Variants in IQGAP1 observed in about 807,000 individuals in gnomAD.
IQGAP1 encodes the protein IQ motif containing GTPase activating protein 1, also known as ras GTPase-activating-like protein IQGAP1.
A neutral mutation model predicts 215.6 loss-of-function variants in IQGAP1; 66 were observed. That is an observed-to-expected ratio of 0.31 (90% CI 0.25 to 0.38). The LOEUF is 0.38. IQGAP1 is among the 10% of genes least tolerant of loss of function. The pLI is 1.00. For missense variants in IQGAP1, 1,712 were observed against 1,997.1 expected (o/e 0.86, Z 2.72); for synonymous variants, 772 against 728.7 (o/e 1.06, Z -0.96).
At chr15:90,444,279 G>GTGTGTGTGTGTGTGTA (rs773341335) in intron 9 of IQGAP1, among the ~76,000 whole-genome samples, 132 of 72,988 alleles carry the variant, frequency 1.8e-3, no homozygotes, top group African/African-American at 7.2e-3. Context: ...GTGTGTGTGT[G>GTGTGTGTGTGTGTGTA]TATATATATA....
chr15:90,421,303 C>G (rs574374694), intron 2 of IQGAP1, among the ~76,000 whole-genome samples: 7 of 152,162 alleles, frequency 4.6e-5, no homozygotes, highest in South Asian at 2.1e-4. Context: ...TGGTGAAACC[C>G]CATCTCTACT....
intron 2 of IQGAP1, among the ~76,000 whole-genome samples, chr15:90,402,199 G>C (rs1964814269): frequency 6.6e-6 from 1 of 152,198 alleles, no homozygotes; most frequent in Non-Finnish European, 1.5e-5. Context: ...TGTCTAACTA[G>C]CTTGTTGGAC....
rs138962597 is a variant in IQGAP1, at chr15:90,473,567, C to G, written c.2350-148C>G. On this transcript the variant is annotated intron_variant, in intron 19 of 37. Transcript: ENST00000268182. ...TTCCAGTGGAGGGATGGCCCGTGCC[C>G]TTGTTCCCCTGTCACTGCTGGAAGT... is the stretch of plus-strand genomic sequence containing the variant. The G allele has an allele frequency of 9.3e-4, 575 of 620,386 alleles. 4 individuals carry two copies. The African/African-American group carries it at 0.01, about 11-fold the overall frequency. The allele number at this position is 620,386 out of a possible 1,614,324, so 38.4% of individuals were successfully genotyped here.
At chr15:90,477,297 C>A in intron 25 of IQGAP1, 67 bp downstream of exon 25, 2 of 1,290,932 alleles carry the variant, frequency 1.5e-6, no homozygotes, top group Non-Finnish European at 2.2e-6. Flanking sequence ...GTTTGAGATT[C>A]ATGCCTTCCT....
At position 90,487,050 on chromosome 15, in the gene IQGAP1, A is replaced by T; in HGVS notation, c.4121A>T (p.Asp1374Val). 6.2e-7 allele frequency: 1 copy of T among 1,614,138 alleles called. No homozygotes were observed. Among genetic ancestry groups the T allele is most frequent in the Non-Finnish European group, 8.5e-7 (1 of 1,180,006 alleles). Residue 1374 changes from aspartate to valine, a missense_variant, in exon 32 of 38, where the codon GAT becomes GTT. This residue lies in a region of IQGAP1 where 691 missense variants were observed against 923.0 expected (regional missense o/e 0.75). Transcript: ENST00000268182. ...TLTNKFDVPG[D>V]ENAEMDARTI... ...ACCAACAAGTTCGACGTGCCTGGAGATGAGAATGCAGAAATGGATGCTCGA... is the reference window on the plus strand; with the variant it reads ...ACCAACAAGTTCGACGTGCCTGGAGTTGAGAATGCAGAAATGGATGCTCGA...
At chr15:90,479,576 TAAAAAAA>T (rs34325733) in intron 26 of IQGAP1, among the ~76,000 whole-genome samples, 15 of 132,644 alleles carry the variant, frequency 1.1e-4, no homozygotes, top group African/African-American at 4.2e-4. Context: ...TGTCCCTACT[TAAAAAAA>T]AAAAAAAAAA....
intron 4 of IQGAP1, 72 bp downstream of exon 4, chr15:90,429,738 C>T (rs924790491): frequency 1.5e-5 from 13 of 861,898 alleles, no homozygotes; most frequent in Non-Finnish European, 2.2e-5. Context: ...AACCTGTTCT[C>T]ATTCTACCTG....
chr15:90,475,868 T>C (rs899285937), intron 23 of IQGAP1: 4 of 152,104 alleles, frequency 2.6e-5, no homozygotes, highest in African/African-American at 4.8e-5. Flanking sequence ...CCAGTCATTT[T>C]GTATCTTACA....
At chr15:90,475,026 T>C (rs1334185397) in intron 23 of IQGAP1, among the ~76,000 whole-genome samples, 1 of 131,688 alleles carries the variant, frequency 7.6e-6, no homozygotes, top group East Asian at 2.3e-4. Flanking sequence ...GCTGACGGAG[T>C]TTCCCTCTCG....
intron 9 of IQGAP1, 103 bp from the exon 10 acceptor site, chr15:90,448,469 TA>T (rs1459816031): frequency 1.5e-5 from 16 of 1,034,526 alleles, no homozygotes; most frequent in Non-Finnish European, 2.1e-5. Context: ...CTCTCTGAGT[TA>T]TATTTCCTTA....
intron 15 of IQGAP1, among the ~76,000 whole-genome samples, chr15:90,460,719 C>A (rs771703801): frequency 7.4e-4 from 113 of 152,150 alleles, no homozygotes; most frequent in Non-Finnish European, 1.3e-3. Flanking sequence ...AAAAAACTGG[C>A]CGGGTGCAGT....
chr15:90,467,670 G>C, intron 18 of IQGAP1, 78 bp downstream of exon 18: 1 of 1,432,912 alleles, frequency 7.0e-7, no homozygotes, highest in Non-Finnish European at 9.4e-7. Context: ...GAGGAACAGG[G>C]CATGTGGTCA....
At chr15:90,441,722 A>C in intron 8 of IQGAP1, 38 bp downstream of exon 8, 1 of 1,420,234 alleles carries the variant, frequency 7.0e-7, no homozygotes, top group Non-Finnish European at 9.8e-7. Flanking sequence ...ATTAATTTAT[A>C]TTATTCCGTC....
chr15:90,452,036 A>C (rs1402653508), intron 11 of IQGAP1, among the ~76,000 whole-genome samples: 1 of 151,922 alleles, frequency 6.6e-6, no homozygotes, highest in African/African-American at 2.4e-5. Context: ...CACCGTGTTG[A>C]CCAGGATGGT....
intron 2 of IQGAP1, among the ~76,000 whole-genome samples, chr15:90,407,646 C>T (rs930315800): frequency 6.6e-6 from 1 of 152,170 alleles, no homozygotes; most frequent in African/African-American, 2.4e-5. Context: ...TATTTAAAAA[C>T]AATTTTTATT....
chr15:90,408,681 TC>T (rs1432767731), intron 2 of IQGAP1, among the ~76,000 whole-genome samples: 1 of 152,224 alleles, frequency 6.6e-6, no homozygotes, highest in African/African-American at 2.4e-5. Flanking sequence ...CATCCCTGTC[TC>T]TACCTTCCTG....
chr15:90,467,080 A>G (rs1439804498), intron 17 of IQGAP1, among the ~76,000 whole-genome samples: 1 of 152,176 alleles, frequency 6.6e-6, no homozygotes, highest in Non-Finnish European at 1.5e-5. Context: ...CAACAGAGCA[A>G]GACTCTGTCT....
Position 90,470,236 on chromosome 15 carries a change from T to G in IQGAP1, c.2179-2604T>G, listed in dbSNP as rs555042421. Among the ~76,000 whole-genome samples, 9 of 152,318 alleles carry G rather than the reference T, an allele frequency of 5.9e-5. No homozygotes were observed. The East Asian group carries it at 1.7e-3, about 29-fold the overall frequency. ...ACTTTGAACTTACTTGGATTTTCAC[T>G]GATTCCTTCTTCATTTTCTCTCTGG... On this transcript the variant is annotated intron_variant, in intron 18 of 37. Transcript: ENST00000268182.
At chr15:90,497,700 T>A (rs1161191282) in intron 37 of IQGAP1, among the ~76,000 whole-genome samples, 1 of 152,240 alleles carries the variant, frequency 6.6e-6, no homozygotes, top group African/African-American at 2.4e-5. Context: ...TGATTTGATA[T>A]AGGTACTTAA....
Sources: gnomAD v4.1 joint callset for allele counts (sites outside exome capture counted in the v4.1 genomes callset) on GRCh38, gnomAD v4.1.1 for gene constraint, gnomAD v4.1.1 regional missense constraint, MANE v1.5 for transcripts, NCBI Gene and HGNC (gene_info 2026-07-23, HGNC 2026-07-21) for gene names.